DPYSL5: variants seen among roughly 807,000 people sequenced by gnomAD.
The protein encoded by DPYSL5 is dihydropyrimidinase like 5.
In DPYSL5, 9 loss-of-function variants were observed where a neutral mutation model predicts 58.4. The ratio of observed to expected loss-of-function variants is 0.15; its 90% CI spans 0.09 to 0.27. The LOEUF is 0.27. DPYSL5 is among the 10% of genes least tolerant of loss of function. The pLI is 1.00. For synonymous variants in DPYSL5, 293 were observed against 301.9 expected, an observed-to-expected ratio of 0.97 and a Z score of 0.31; for missense variants, 499 against 770.6, an observed-to-expected ratio of 0.65 and a Z score of 4.17.
chr2:26,855,295 G>A (rs1014824205), intron 1 of DPYSL5, among the ~76,000 whole-genome samples: 3 of 151,930 alleles, frequency 2.0e-5, no homozygotes, highest in Non-Finnish European at 4.4e-5. Flanking sequence ...TGGGCGTGGT[G>A]GCAGGTGCCT....
intron 1 of DPYSL5, among the ~76,000 whole-genome samples, chr2:26,851,862 A>G (rs6717090): frequency 0.11 from 16,379 of 152,078 alleles, 2,560 homozygotes; most frequent in African/African-American, 0.34. Context: ...GTGGAGAATC[A>G]CTTGAACCTG....
Position 26,877,256 on chromosome 2 carries a change from G to A in DPYSL5, c.-4-21240G>A, listed in dbSNP as rs899565921. 6.6e-6 allele frequency among the ~76,000 whole-genome samples: 1 copy of A among 152,082 alleles called. No homozygotes were observed. Among genetic ancestry groups the A allele is most frequent in the Admixed American group, 6.5e-5 (1 of 15,272 alleles). On this transcript the variant is annotated intron_variant, in intron 1 of 12. Transcript: ENST00000288699. The surrounding 1 kb of genome is among the most constrained non-coding windows in gnomAD (Gnocchi z 4.1). The stretch of plus-strand genomic sequence containing the variant: ...GCTGGGATTACAGGCATGAGCCACC[G>A]CGCCTGGCCCATAGCCACTTTATTA...
intron 2 of DPYSL5, among the ~76,000 whole-genome samples, chr2:26,907,051 G>A (rs1001877727): frequency 6.6e-6 from 1 of 152,076 alleles, no homozygotes; most frequent in African/African-American, 2.4e-5. Flanking sequence ...ACAGGCGTCA[G>A]CCATCATGCT....
chr2:26,895,920 C>T (rs1664009358), intron 1 of DPYSL5, among the ~76,000 whole-genome samples: 2 of 151,484 alleles, frequency 1.3e-5, no homozygotes, highest in Non-Finnish European at 2.9e-5. Flanking sequence ...GCTGGGATTA[C>T]AAGCACCCAC....
chr2:26,917,034 T>A (rs189335435), intron 2 of DPYSL5, among the ~76,000 whole-genome samples: 2 of 152,368 alleles, frequency 1.3e-5, no homozygotes, highest in East Asian at 1.9e-4. Context: ...ATATGCTGTA[T>A]GTCATTTAAT....
intron 2 of DPYSL5, among the ~76,000 whole-genome samples, chr2:26,919,966 C>T (rs1664663615): frequency 6.6e-6 from 1 of 152,006 alleles, no homozygotes; most frequent in South Asian, 2.1e-4. Flanking sequence ...ATATTGAGTA[C>T]ATGAAAGCAA....
intron 2 of DPYSL5, among the ~76,000 whole-genome samples, chr2:26,915,195 G>A (rs1051129911): frequency 3.3e-5 from 5 of 151,982 alleles, no homozygotes; most frequent in South Asian, 2.1e-4. Context: ...AACACGCTCC[G>A]TGTCCTCCAT....
intron 2 of DPYSL5, among the ~76,000 whole-genome samples, chr2:26,911,639 G>A (rs1664444054): frequency 6.6e-6 from 1 of 152,130 alleles, no homozygotes; most frequent in Non-Finnish European, 1.5e-5. Context: ...AGTTGGTGGA[G>A]AAGAGGGGTA....
chr2:26,926,629 G>C (rs1043166478), intron 3 of DPYSL5, among the ~76,000 whole-genome samples: 5 of 152,162 alleles, frequency 3.3e-5, no homozygotes, highest in Non-Finnish European at 5.9e-5. Context: ...TCACAGAGTA[G>C]CTATTTTGCA....
In DPYSL5 at chr2:26,944,855, G is replaced by A. The variant is rs752219056; in HGVS notation, c.1609+31G>A. 1 of 1,608,306 alleles carries A rather than the reference G, an allele frequency of 6.2e-7. No individual in the cohort carries two copies. Among genetic ancestry groups the A allele is most frequent in the South Asian group, 1.1e-5 (1 of 90,668 alleles). ...AGTCAGGGGGCCACGGGAGGAGGAT[G>A]GGGGTCTGGGAGAAGTGGCCCACCT... On this transcript the variant is annotated intron_variant, in intron 12 of 12. Transcript: ENST00000288699. The surrounding 1 kb of genome is among the most constrained non-coding windows in gnomAD (Gnocchi z 4.4).
rs748755246 is a variant in DPYSL5 at position 26,927,468 on chromosome 2, AC to A, written c.600+38del. 1 of 1,603,564 alleles carries A rather than the reference AC, an allele frequency of 6.2e-7. No individual in the cohort carries two copies. Among genetic ancestry groups the A allele is most frequent in the Admixed American group, 1.7e-5 (1 of 59,662 alleles). On this transcript the variant is annotated intron_variant, in intron 4 of 12. Coordinates refer to ENST00000288699, the MANE Select transcript of DPYSL5 (RefSeq NM_020134.4). This position sits in a 1 kb window ranked among gnomAD's most constrained non-coding sequence, Gnocchi z 4.3. Reference sequence around the variant, plus strand: ...AGCCAAGAATATTGGATGGAGGGACACCAGTGGAGACAGTTAGTTCTCAGGG... The same window carrying A: ...AGCCAAGAATATTGGATGGAGGGACACAGTGGAGACAGTTAGTTCTCAGGG...
intron 1 of DPYSL5, among the ~76,000 whole-genome samples, chr2:26,880,123 C>T (rs1663519547): frequency 6.6e-6 from 1 of 152,210 alleles, no homozygotes; most frequent in African/African-American, 2.4e-5. Flanking sequence ...CTTCTGGTCT[C>T]AAGTGATCCT....
chr2:26,854,316 A>G (rs533258341), intron 1 of DPYSL5, among the ~76,000 whole-genome samples: 1 of 152,216 alleles, frequency 6.6e-6, no homozygotes, highest in Non-Finnish European at 1.5e-5. Flanking sequence ...AAAATTAGCC[A>G]GGCATGGTGG....
intron 2 of DPYSL5, among the ~76,000 whole-genome samples, chr2:26,911,079 G>GTTTTTTT (rs57441106): frequency 3.0e-5 from 3 of 100,416 alleles, no homozygotes; most frequent in Non-Finnish European, 3.9e-5. Context: ...TCTATGTTCA[G>GTTTTTTT]TTTTTTTTTT....
In DPYSL5 at chr2:26,942,774, A is replaced by C. The variant is rs761120743; in HGVS notation, c.1440+24A>C. On this transcript the variant is annotated intron_variant, in intron 11 of 12. Coordinates refer to ENST00000288699, the MANE Select transcript of DPYSL5 (RefSeq NM_020134.4). This position sits in a 1 kb window ranked among gnomAD's most constrained non-coding sequence, Gnocchi z 5.9. ...AGGTGAGGTGGGAGGAGGAAGATGC[A>C]GGGGTGTTGGCGCCCCCTGCCGGGG... 3.1e-6 allele frequency: 5 copies of C among 1,607,192 alleles called. No individual in the cohort carries two copies. Among genetic ancestry groups the C allele is most frequent in the East Asian group, 2.2e-5 (1 of 44,658 alleles).
chr2:26,863,490 TG>T (rs919187640), intron 1 of DPYSL5, among the ~76,000 whole-genome samples: 1 of 152,234 alleles, frequency 6.6e-6, no homozygotes, highest in African/African-American at 2.4e-5. Context: ...GGGCTGGGCC[TG>T]CAGCACCCTG....
chr2:26,855,315 G>C (rs1158354958), intron 1 of DPYSL5, among the ~76,000 whole-genome samples: 5 of 151,956 alleles, frequency 3.3e-5, no homozygotes, highest in Non-Finnish European at 7.4e-5. Flanking sequence ...TGTAGTCCCA[G>C]CTACTCAGGA....
chr2:26,856,622 A>T (rs1665885631), intron 1 of DPYSL5, among the ~76,000 whole-genome samples: 2 of 151,992 alleles, frequency 1.3e-5, no homozygotes, highest in Non-Finnish European at 2.9e-5. Context: ...TCTGTTGGGT[A>T]TATATATACC....
In DPYSL5 at chr2:26,931,622, G is replaced by A. The variant is rs753542089; in HGVS notation, c.670-18G>A. ...AGATGGTGAAGTTTGGTTTCCTCCT[G>A]TCCTTTGTTTCTAACAGCTGGAAGC... On this transcript the variant is annotated intron_variant, in intron 5 of 12. Coordinates refer to ENST00000288699, the MANE Select transcript of DPYSL5 (RefSeq NM_020134.4). 1.9e-6 allele frequency: 3 copies of A among 1,613,690 alleles called. No individual in the cohort carries two copies. The African/African-American group carries it at 4.0e-5, about 22-fold the overall frequency.
Sources: gnomAD v4.1 joint callset for allele counts (sites outside exome capture counted in the v4.1 genomes callset) on GRCh38, gnomAD v4.1.1 for gene constraint, Gnocchi (gnomAD v3.1) non-coding constraint, MANE v1.5 for transcripts, NCBI Gene and HGNC (gene_info 2026-07-23, HGNC 2026-07-21) for gene names.